The following RYR2 variants were observed in gnomAD, a reference collection of about 807,000 sequenced individuals.
RYR2 encodes cardiac muscle ryanodine receptor-calcium release channel.
A neutral mutation model predicts 601.1 loss-of-function variants in RYR2; 227 were observed. That is an observed-to-expected ratio of 0.38 (90% CI 0.34 to 0.42). The LOEUF (loss-of-function observed/expected upper bound fraction) is 0.42, where lower values mean the gene tolerates loss of function less well. Among genes scored for constraint, RYR2 ranks in the 10% least tolerant of loss-of-function variants. RYR2 has a pLI of 1.00. For synonymous variants in RYR2, 2,223 were observed against 2,175.1 expected, an observed-to-expected ratio of 1.02 and a Z score of -0.61; for missense variants, 4,646 against 6,156.5, an observed-to-expected ratio of 0.75 and a Z score of 8.21.
chr1:237,263,329 T>C (rs904705804), intron 1 of RYR2, among the ~76,000 whole-genome samples: 2 of 152,226 alleles, frequency 1.3e-5, no homozygotes, highest in African/African-American at 2.4e-5. Flanking sequence ...CAATCACTTA[T>C]TGAGTTCATA....
intron 12 of RYR2, among the ~76,000 whole-genome samples, chr1:237,436,506 A>G (rs1476843866): frequency 5.4e-5 from 5 of 91,886 alleles, no homozygotes; most frequent in African/African-American, 2.2e-4. Flanking sequence ...GGGCTAACTA[A>G]GCCTGGCCTG....
At chr1:237,133,130 G>T (rs1324963115) in intron 1 of RYR2, among the ~76,000 whole-genome samples, 2 of 152,150 alleles carry the variant, frequency 1.3e-5, no homozygotes, top group Admixed American at 1.3e-4. Flanking sequence ...AGGAATTGTA[G>T]GGTTCAGGGG....
chr1:237,262,069 A>G (rs1311352605), intron 1 of RYR2, among the ~76,000 whole-genome samples: 1 of 152,034 alleles, frequency 6.6e-6, no homozygotes, highest in East Asian at 1.9e-4. Flanking sequence ...ATGAATGACT[A>G]TTTGAAAGGA....
chr1:237,680,479 G>A lies in RYR2; in HGVS notation c.8919G>A (p.Gln2973=), dbSNP rs1281776816. ...FAKVVLPLID[Q]YFKNHRLYFL... ...AGGTCGTTCTTCCTTTAATTGATCA[G>A]TATTTCAAAAACCATCGTTTATACT... is the stretch of plus-strand genomic sequence containing the variant. The change falls in exon 62 of 105, where the codon CAG becomes CAA. Residue 2973 remains glutamine, a synonymous_variant. Transcript: ENST00000366574. 3.7e-6 allele frequency: 6 copies of A among 1,607,988 alleles called. No individual in the cohort carries two copies. Among genetic ancestry groups the A allele is most frequent in the South Asian group, 1.1e-5 (1 of 90,844 alleles).
In RYR2 at chr1:237,702,079, A is replaced by C; in HGVS notation, c.9449+20A>C. On this transcript the variant is annotated intron_variant, in intron 66 of 104. Coordinates refer to ENST00000366574, the MANE Select transcript of RYR2 (RefSeq NM_001035.3). ...GGAGAGGTAAGAATGTTTAAAGTTT[A>C]ACTTTGTATTAATTGCTGCTTCAAG... The C allele has an allele frequency of 7.3e-7, 1 of 1,363,748 alleles. No homozygotes were observed. The highest frequency in any genetic ancestry group is 1.0e-6 in the Non-Finnish European group (1 of 955,530). 84.5% of individuals were successfully genotyped at this position (1,363,748 alleles called of 1,614,324 possible).
intron 58 of RYR2, among the ~76,000 whole-genome samples, chr1:237,671,502 GGTGT>G (rs367893618): frequency 1.5e-4 from 22 of 149,278 alleles, no homozygotes; most frequent in Non-Finnish European, 2.1e-4. Context: ...TTGGTGCCTG[GGTGT>G]GTGTGTGTGT....
chr1:237,812,680 T>C (rs1041269032), intron 100 of RYR2, among the ~76,000 whole-genome samples: 2 of 152,166 alleles, frequency 1.3e-5, no homozygotes, highest in Non-Finnish European at 2.9e-5. Context: ...TCATCATAAG[T>C]TGTCATGACT....
chr1:237,775,858 C>T (rs1484688777), intron 87 of RYR2, among the ~76,000 whole-genome samples: 1 of 152,158 alleles, frequency 6.6e-6, no homozygotes, highest in African/African-American at 2.4e-5. Flanking sequence ...AGGGAGTTTA[C>T]AGCTCCCAGA....
chr1:237,832,177 T>C (rs1663871557), intron 104 of RYR2, among the ~76,000 whole-genome samples: 1 of 151,778 alleles, frequency 6.6e-6, no homozygotes, highest in Non-Finnish European at 1.5e-5. Flanking sequence ...TACCTGAAAC[T>C]ACAGGCATGC....
intron 5 of RYR2, among the ~76,000 whole-genome samples, chr1:237,366,591 A>G (rs1700211683): frequency 6.6e-6 from 1 of 151,998 alleles, no homozygotes; most frequent in Admixed American, 6.6e-5. Flanking sequence ...TTTAAAAAAC[A>G]CAGAGCCAAA....
intron 1 of RYR2, among the ~76,000 whole-genome samples, chr1:237,065,742 G>A (rs1288708159): frequency 6.6e-6 from 1 of 152,154 alleles, no homozygotes; most frequent in Non-Finnish European, 1.5e-5. Context: ...CTGAGACTGG[G>A]TAATTTGTAA....
At chr1:237,242,678 A>G (rs535970535) in intron 1 of RYR2, among the ~76,000 whole-genome samples, 1 of 152,264 alleles carries the variant, frequency 6.6e-6, no homozygotes, top group South Asian at 2.1e-4. Context: ...AATATTCATG[A>G]AAGTCACTTC....
At chr1:237,374,580 C>A (rs1700878821) in intron 6 of RYR2, 137 bp from the exon 7 acceptor site, 2 of 682,516 alleles carry the variant, frequency 2.9e-6, no homozygotes, top group East Asian at 3.0e-5. Context: ...ACTGCTTGAG[C>A]CCAGGAGGTT....
At chr1:237,720,232 T>A (rs1689607460) in intron 73 of RYR2, among the ~76,000 whole-genome samples, 1 of 152,202 alleles carries the variant, frequency 6.6e-6, no homozygotes, top group Non-Finnish European at 1.5e-5. Flanking sequence ...GAATTTTTTT[T>A]AATTATGAAA....
chr1:237,721,837 T>C (rs1689744913), intron 73 of RYR2, among the ~76,000 whole-genome samples: 1 of 152,162 alleles, frequency 6.6e-6, no homozygotes, highest in South Asian at 2.1e-4. Context: ...CCATTTTTAA[T>C]AACATACTTA....
At chr1:237,580,356 C>G (rs1673771331) in intron 29 of RYR2, among the ~76,000 whole-genome samples, 1 of 151,404 alleles carries the variant, frequency 6.6e-6, no homozygotes, top group African/African-American at 2.4e-5. Flanking sequence ...GGGGTTTTAC[C>G]ATGTTGGCCA....
At chr1:237,725,714 A>G (rs1690137723) in intron 74 of RYR2, among the ~76,000 whole-genome samples, 4 of 152,066 alleles carry the variant, frequency 2.6e-5, no homozygotes, top group Admixed American at 6.6e-5. Flanking sequence ...ACACTCAGGT[A>G]TTTCCTGAAA....
chr1:237,782,905 T>A (rs1695238509), intron 89 of RYR2, among the ~76,000 whole-genome samples: 1 of 152,160 alleles, frequency 6.6e-6, no homozygotes, highest in African/African-American at 2.4e-5. Context: ...GATCCCACAC[T>A]CTTAACACCA....
intron 75 of RYR2, 72 bp from the exon 76 acceptor site, chr1:237,727,015 G>T: frequency 1.2e-6 from 1 of 804,030 alleles, no homozygotes; most frequent in Non-Finnish European, 2.2e-6. Context: ...AAGATAGTTT[G>T]GGGTGTAAAT....
Sources: gnomAD v4.1 joint callset for allele counts (sites outside exome capture counted in the v4.1 genomes callset) on GRCh38, gnomAD v4.1.1 for gene constraint, MANE v1.5 for transcripts, NCBI Gene and HGNC (gene_info 2026-07-23, HGNC 2026-07-21) for gene names.